Variants in ROS1 observed in about 807,000 individuals in gnomAD.
ROS1 encodes ROS proto-oncogene 1, receptor tyrosine kinase.
In ROS1, 263 loss-of-function variants were observed where a neutral mutation model predicts 273.5. That is an observed-to-expected ratio of 0.96 (90% confidence interval 0.87 to 1.06). The LOEUF (loss-of-function observed/expected upper bound fraction) is 1.06. ROS1 is among the 50% of genes least tolerant of loss of function. The pLI, the probability that ROS1 is intolerant of heterozygous loss-of-function variation, is 0.00. For synonymous variants in ROS1, 1,008 were observed against 954.1 expected (o/e 1.06, Z -1.04); for missense variants, 2,833 against 2,751.1 (o/e 1.03, Z -0.67).
In ROS1 at chr6:117,314,566, A is replaced by G. The variant is rs57219764; in HGVS notation, c.6117+2577T>C. Reference sequence around the variant, plus strand: ...TTTTGTCTATAGAAAACAAACAAATAAAAACAACAGAAACCTGAACCAGAA... The same window carrying G: ...TTTTGTCTATAGAAAACAAACAAATGAAAACAACAGAAACCTGAACCAGAA... On this transcript the variant is annotated intron_variant, in intron 39 of 43. Transcript: ENST00000368507. 2.7e-3 allele frequency among the ~76,000 whole-genome samples: 414 copies of G among 152,290 alleles called. 2 individuals carry two copies. Among genetic ancestry groups the G allele is most frequent in the African/African-American group, 9.5e-3 (393 of 41,572 alleles).
At chr6:117,423,636 T>C (rs1775923423) in intron 1 of ROS1, among the ~76,000 whole-genome samples, 1 of 152,100 alleles carries the variant, frequency 6.6e-6, no homozygotes, top group Non-Finnish European at 1.5e-5. Context: ...AGCATAGAAC[T>C]CTGCTTCGTG....
chr6:117,405,468 G>A (rs535044204), intron 5 of ROS1, among the ~76,000 whole-genome samples: 2 of 152,224 alleles, frequency 1.3e-5, no homozygotes, highest in East Asian at 3.9e-4. Flanking sequence ...ACTCTCAATA[G>A]CAGGAATTAG....
rs1156439275 is a variant in ROS1 at position 117,317,555 on chromosome 6, C to T, written c.5988-283G>A. 3.9e-5 allele frequency among the ~76,000 whole-genome samples: 6 copies of T among 152,220 alleles called. No individual in the cohort carries two copies. The South Asian group carries it at 1.0e-3, about 26-fold the overall frequency. On this transcript the variant is annotated intron_variant, in intron 38 of 43. Coordinates refer to ENST00000368507, the MANE Select transcript of ROS1 (RefSeq NM_001378902.1). ...AAAAGAAAGTAATTTTGACTAGTAGCGTCCTTGAAAAGATATTTAAAAACA... is the reference window on the plus strand; with the variant it reads ...AAAAGAAAGTAATTTTGACTAGTAGTGTCCTTGAAAAGATATTTAAAAACA...
intron 12 of ROS1, among the ~76,000 whole-genome samples, chr6:117,391,214 G>A (rs897055201): frequency 6.6e-6 from 1 of 152,120 alleles, no homozygotes; most frequent in African/African-American, 2.4e-5. Context: ...TTTTCCCTGA[G>A]GACGGATTGT....
intron 27 of ROS1, among the ~76,000 whole-genome samples, chr6:117,346,766 A>G (rs1327180482): frequency 6.6e-6 from 1 of 152,112 alleles, no homozygotes; most frequent in East Asian, 1.9e-4. Flanking sequence ...CCCAAAGTCT[A>G]TAGTTTACAT....
chr6:117,321,206 C>T (rs759936823), intron 36 of ROS1, 53 bp downstream of exon 36: 1 of 1,590,228 alleles, frequency 6.3e-7, no homozygotes, highest in Admixed American at 1.8e-5. Context: ...ACTCTCCTTA[C>T]TGTTGCCCAC....
At chr6:117,358,571 T>A (rs1779523657) in intron 24 of ROS1, among the ~76,000 whole-genome samples, 1 of 151,980 alleles carries the variant, frequency 6.6e-6, no homozygotes. Context: ...ACGATTCTCC[T>A]GCCTCAGCCT....
chr6:117,316,714 T>C (rs1014804058), intron 39 of ROS1, among the ~76,000 whole-genome samples: 4 of 152,096 alleles, frequency 2.6e-5, no homozygotes, highest in South Asian at 2.1e-4. Context: ...GGGCAAAATA[T>C]GTTTGAGATA....
At chr6:117,372,306 T>C (rs907010705) in intron 18 of ROS1, among the ~76,000 whole-genome samples, 1 of 152,236 alleles carries the variant, frequency 6.6e-6, no homozygotes, top group African/African-American at 2.4e-5. Flanking sequence ...GAAGTCATAC[T>C]ATCACTGTTT....
intron 39 of ROS1, among the ~76,000 whole-genome samples, chr6:117,316,208 G>A (rs755213327): frequency 6.6e-6 from 1 of 151,880 alleles, no homozygotes; most frequent in Non-Finnish European, 1.5e-5. Context: ...TTCCATACTG[G>A]GCAATCAATT....
At chr6:117,357,760 T>C in intron 25 of ROS1, 44 bp downstream of exon 25, 9 of 1,282,504 alleles carry the variant, frequency 7.0e-6, no homozygotes, top group Non-Finnish European at 1.0e-5. Flanking sequence ...AATATGTCTA[T>C]ATCTATTTCA....
intron 18 of ROS1, among the ~76,000 whole-genome samples, chr6:117,371,673 G>A (rs1780786609): frequency 6.6e-6 from 1 of 152,198 alleles, no homozygotes; most frequent in Non-Finnish European, 1.5e-5. Flanking sequence ...TTTTTCAGCA[G>A]GGAGGCTTGT....
intron 17 of ROS1, among the ~76,000 whole-genome samples, chr6:117,379,455 T>A (rs1169311352): frequency 1.3e-5 from 2 of 152,138 alleles, no homozygotes; most frequent in African/African-American, 4.8e-5. Context: ...AGCAACAGCA[T>A]CACCTGGAAG....
intron 18 of ROS1, among the ~76,000 whole-genome samples, chr6:117,369,808 T>G (rs1413610699): frequency 6.6e-6 from 1 of 152,198 alleles, no homozygotes. Flanking sequence ...ATGAAGTAAT[T>G]GATCAATCAG....
rs150262256 is a variant in ROS1, at chr6:117,310,199, C to A, written c.6298G>T (p.Ala2100Ser). The A allele has an allele frequency of 6.8e-6, 11 of 1,612,960 alleles. No individual in the cohort carries two copies. Among genetic ancestry groups the A allele is most frequent in the Non-Finnish European group, 9.3e-6 (11 of 1,179,422 alleles). Residue 2100 changes from alanine to serine, a missense_variant, in exon 41 of 44, where the codon GCC becomes TCC. Ala to Ser is a moderately conservative substitution (Grantham distance 99). Transcript: ENST00000368507. ...RIVKIGDFGL[A>S]RDIYKNDYYR... ...TAATCATTTTTATAGATGTCTCTGG[C>A]GAGTCCAAAGTCTCCAATCTTCACT...
At chr6:117,300,145 GT>G (rs1388218165) in intron 43 of ROS1, among the ~76,000 whole-genome samples, 180 of 135,454 alleles carry the variant, frequency 1.3e-3, no homozygotes, top group Non-Finnish European at 1.7e-3. Flanking sequence ...TAGAGATGGG[GT>G]TTCACTGTGT....
chr6:117,368,885 CTT>C (rs1780493362), intron 18 of ROS1, among the ~76,000 whole-genome samples: 1 of 151,670 alleles, frequency 6.6e-6, no homozygotes, highest in Non-Finnish European at 1.5e-5. Context: ...TATAAAATAA[CTT>C]TATAATTTTT....
At chr6:117,408,619 G>C (rs370594483) in intron 5 of ROS1, among the ~76,000 whole-genome samples, 26 of 152,286 alleles carry the variant, frequency 1.7e-4, no homozygotes, top group Admixed American at 5.9e-4. Context: ...GTTGGTGGGA[G>C]TGTAAACTAG....
chr6:117,410,173 G>A (rs1390302213), intron 4 of ROS1, among the ~76,000 whole-genome samples: 1 of 152,010 alleles, frequency 6.6e-6, no homozygotes, highest in Non-Finnish European at 1.5e-5. Context: ...GTTTCATTTT[G>A]TTTAATGTGA....
Sources: gnomAD v4.1 joint callset for allele counts (sites outside exome capture counted in the v4.1 genomes callset) on GRCh38, gnomAD v4.1.1 for gene constraint, MANE v1.5 for transcripts, NCBI Gene and HGNC (gene_info 2026-07-23, HGNC 2026-07-21) for gene names.